SSBP2: variants seen among roughly 807,000 people sequenced by gnomAD.
SSBP2 encodes single-stranded DNA-binding protein 2.
Under a neutral mutation model 61.8 loss-of-function variants are expected in SSBP2, and 17 were observed. That is an observed-to-expected ratio of 0.28 (90% CI 0.19 to 0.41). SSBP2 has a LOEUF of 0.41. Among genes scored for constraint, SSBP2 ranks in the 10% least tolerant of loss-of-function variants. The pLI is 1.00. For synonymous variants in SSBP2, 139 were observed against 141.3 expected (o/e 0.98, Z 0.12); for missense variants, 310 against 458.7 (o/e 0.68, Z 2.96).
At chr5:81,521,291 T>C (rs1769463476) in intron 4 of SSBP2, among the ~76,000 whole-genome samples, 1 of 152,050 alleles carries the variant, frequency 6.6e-6, no homozygotes. Context: ...GCATACATTT[T>C]TGTTTTTATC....
intron 4 of SSBP2, among the ~76,000 whole-genome samples, chr5:81,598,222 A>T (rs958455139): frequency 2.0e-5 from 3 of 152,032 alleles, no homozygotes; most frequent in African/African-American, 7.2e-5. Flanking sequence ...TAGTCAGAAA[A>T]TTTTTCAAAA....
At chr5:81,750,302 G>C (rs1159942290) in intron 1 of SSBP2, among the ~76,000 whole-genome samples, 2 of 130,144 alleles carry the variant, frequency 1.5e-5, no homozygotes, top group Admixed American at 8.7e-5. Flanking sequence ...CGGGCGCCGC[G>C]TCCGTAGCTG....
chr5:81,657,085 A>C (rs1021125979), intron 1 of SSBP2, among the ~76,000 whole-genome samples: 1 of 152,196 alleles, frequency 6.6e-6, no homozygotes, highest in Non-Finnish European at 1.5e-5. Context: ...GCCTGGAATA[A>C]GAGGGAGAAT....
chr5:81,432,914 C>A (rs1424380747), intron 15 of SSBP2, among the ~76,000 whole-genome samples: 2 of 149,474 alleles, frequency 1.3e-5, no homozygotes, highest in African/African-American at 2.5e-5. Flanking sequence ...CGGCCAGCCA[C>A]CCCGTCCGGG....
At chr5:81,735,101 C>G (rs1420779384) in intron 1 of SSBP2, among the ~76,000 whole-genome samples, 1 of 151,718 alleles carries the variant, frequency 6.6e-6, no homozygotes, top group Non-Finnish European at 1.5e-5. Context: ...TTGCTTAGAA[C>G]AGCAATGGCT....
chr5:81,709,682 G>C (rs183243058), intron 1 of SSBP2, among the ~76,000 whole-genome samples: 79 of 151,950 alleles, frequency 5.2e-4, no homozygotes, highest in African/African-American at 1.8e-3. Flanking sequence ...CTAAGAACTT[G>C]AGATGTTTTC....
chr5:81,556,462 C>A (rs1041048407), intron 4 of SSBP2, among the ~76,000 whole-genome samples: 5 of 151,982 alleles, frequency 3.3e-5, no homozygotes, highest in African/African-American at 1.2e-4. Flanking sequence ...CAATTTTAGT[C>A]CCTGTTTCGA....
At chr5:81,616,827 C>A (rs1399019779) in intron 3 of SSBP2, among the ~76,000 whole-genome samples, 3 of 152,082 alleles carry the variant, frequency 2.0e-5, no homozygotes, top group Non-Finnish European at 4.4e-5. Context: ...GGGAGGCACC[C>A]CCCAGCAGGG....
chr5:81,736,614 A>G (rs541972081), intron 1 of SSBP2, among the ~76,000 whole-genome samples: 1 of 152,164 alleles, frequency 6.6e-6, no homozygotes, highest in East Asian at 1.9e-4. Context: ...TATTTTCTTC[A>G]TTTTTGCTTA....
chr5:81,740,198 G>A (rs1443924698), intron 1 of SSBP2, among the ~76,000 whole-genome samples: 3 of 151,734 alleles, frequency 2.0e-5, no homozygotes, highest in Non-Finnish European at 4.4e-5. Flanking sequence ...ACACATGTGT[G>A]TATATGTATG....
At chr5:81,615,888 A>C (rs1253374895) in intron 3 of SSBP2, among the ~76,000 whole-genome samples, 1 of 152,250 alleles carries the variant, frequency 6.6e-6, no homozygotes, top group Non-Finnish European at 1.5e-5. Context: ...CCCATGAAGA[A>C]TAGAAACAGT....
intron 1 of SSBP2, among the ~76,000 whole-genome samples, chr5:81,724,642 C>G (rs990794543): frequency 1.3e-5 from 2 of 151,968 alleles, no homozygotes; most frequent in Non-Finnish European, 2.9e-5. Context: ...AGGTAAACTC[C>G]TAAGAAATTA....
At chr5:81,608,516 T>C (rs182303825) in intron 4 of SSBP2, among the ~76,000 whole-genome samples, 139 of 152,270 alleles carry the variant, frequency 9.1e-4, no homozygotes, top group African/African-American at 3.0e-3. Flanking sequence ...TCCAGTGTAG[T>C]TGGAAAAGTA....
intron 15 of SSBP2, among the ~76,000 whole-genome samples, chr5:81,434,633 C>CAAAAAAAAAAAAAAAA (rs34269591): frequency 1.2e-3 from 53 of 43,004 alleles, no homozygotes; most frequent in Non-Finnish European, 1.4e-3. Flanking sequence ...ACTCTTGACT[C>CAAAAAAAAAAAAAAAA]AAAAAAAAAA....
At chr5:81,651,598 A>T (rs752087154) in intron 1 of SSBP2, among the ~76,000 whole-genome samples, 11 of 152,322 alleles carry the variant, frequency 7.2e-5, no homozygotes, top group Non-Finnish European at 5.9e-5. Context: ...TTCAAATTGA[A>T]TGACACTTCC....
intron 5 of SSBP2, among the ~76,000 whole-genome samples, chr5:81,502,603 C>T (rs1767883843): frequency 6.6e-6 from 1 of 152,202 alleles, no homozygotes; most frequent in Admixed American, 6.5e-5. Context: ...TCTTGCATGT[C>T]TAACAGCCAT....
intron 1 of SSBP2, among the ~76,000 whole-genome samples, chr5:81,729,679 T>C (rs1756126407): frequency 6.6e-6 from 1 of 152,180 alleles, no homozygotes; most frequent in South Asian, 2.1e-4. Flanking sequence ...TTTCATACTT[T>C]AAAAGCACTG....
chr5:81,611,238 T>A (rs970126044), intron 4 of SSBP2, among the ~76,000 whole-genome samples: 5 of 152,180 alleles, frequency 3.3e-5, no homozygotes, highest in African/African-American at 4.8e-5. Flanking sequence ...ATAATTCAAA[T>A]CTATAGTTTC....
At chr5:81,493,850 G>C (rs1456428347) in intron 5 of SSBP2, among the ~76,000 whole-genome samples, 7 of 152,046 alleles carry the variant, frequency 4.6e-5, no homozygotes. Flanking sequence ...ATCCTGCCTT[G>C]ACTTCCCAAA....
Sources: allele counts gnomAD v4.1 joint callset (sites outside exome capture counted in the v4.1 genomes callset), GRCh38; gene constraint gnomAD v4.1.1; transcripts MANE v1.5; gene names NCBI Gene and HGNC (gene_info 2026-07-23, HGNC 2026-07-21).